The following GOLGA1 variants were observed in gnomAD, a reference collection of about 807,000 sequenced individuals.
GOLGA1 encodes golgin A1, also known as golgin subfamily A member 1.
In GOLGA1, 63 loss-of-function variants were observed where a neutral mutation model predicts 119.7. The ratio of observed to expected loss-of-function variants is 0.53; its 90% confidence interval spans 0.43 to 0.65. The LOEUF (loss-of-function observed/expected upper bound fraction) is 0.65, where lower values mean the gene tolerates loss of function less well. GOLGA1 is among the 30% of genes least tolerant of loss of function. The pLI, the probability that GOLGA1 is intolerant of heterozygous loss-of-function variation, is 0.00. For synonymous variants in GOLGA1, 318 were observed against 333.4 expected (o/e 0.95, Z 0.50); for missense variants, 798 against 912.8 (o/e 0.87, Z 1.62).
At chr9:124,921,981 A>G (rs1830579614) in intron 8 of GOLGA1, 89 bp from the exon 9 acceptor site, 2 of 1,093,554 alleles carry the variant, frequency 1.8e-6, no homozygotes, top group African/African-American at 3.2e-5. Flanking sequence ...TAATCCCAAC[A>G]CTTTGGGAGG....
intron 11 of GOLGA1, among the ~76,000 whole-genome samples, chr9:124,908,972 C>T (rs1830283864): frequency 1.3e-5 from 2 of 151,988 alleles, no homozygotes; most frequent in African/African-American, 4.8e-5. Context: ...TTGAATGTTG[C>T]AAAAAGGAGT....
chr9:124,921,128 C>A lies in GOLGA1; in HGVS notation c.843+1G>T. 1 of 1,548,958 alleles carries A rather than the reference C, an allele frequency of 6.5e-7. No homozygotes were observed. Among genetic ancestry groups the A allele is most frequent in the Non-Finnish European group, 8.9e-7 (1 of 1,120,560 alleles). ...AGGTCTTCTCCTCATATTCTACTTA[C>A]CTTTTGCAAATCAATGGAAAGCTGC... On this transcript the variant is annotated splice_donor_variant, in intron 10 of 22. Coordinates refer to ENST00000373555, the MANE Select transcript of GOLGA1 (RefSeq NM_002077.4). LOFTEE classifies it high-confidence loss of function.
rs766867578 is a variant in GOLGA1, at chr9:124,878,490, C to T, written c.*2040G>A. On this transcript the variant is annotated 3_prime_UTR_variant, in exon 23 of 23. Coordinates refer to ENST00000373555, the MANE Select transcript of GOLGA1 (RefSeq NM_002077.4). ...GAAGGAGAGCTCAAGATCCATCGCT[C>T]GTATAAAGGGCTATAGATACCGTCG... The T allele has an allele frequency of 6.6e-6, 1 of 152,604 alleles. No individual in the cohort carries two copies. The highest frequency in any genetic ancestry group is 1.5e-5 in the Non-Finnish European group (1 of 68,036). The allele number at this position is 152,604 out of a possible 1,614,324, so 9.5% of individuals were successfully genotyped here.
rs142808924 is a variant in GOLGA1, at chr9:124,930,558, T to C, written c.226+758A>G. Among the ~76,000 whole-genome samples the C allele has an allele frequency of 1.8e-4, 27 of 152,342 alleles. No individual in the cohort carries two copies. In the East Asian group the frequency reaches 5.0e-3, roughly 28 times the overall value. On this transcript the variant is annotated intron_variant, in intron 4 of 22. Transcript: ENST00000373555. ...TACAATTTGGTGAATTTGGGTCTGA[T>C]AGCTACACAAATATAAATATTTCAC...
chr9:124,899,512 G>T, intron 13 of GOLGA1, 34 bp from the exon 14 acceptor site: 1 of 1,534,926 alleles, frequency 6.5e-7, no homozygotes, highest in Non-Finnish European at 8.7e-7. Flanking sequence ...CAGTCAGGGT[G>T]ACAATGGTTT....
chr9:124,902,632 G>A (rs1156398552), intron 12 of GOLGA1, among the ~76,000 whole-genome samples: 1 of 151,794 alleles, frequency 6.6e-6, no homozygotes, highest in Non-Finnish European at 1.5e-5. Flanking sequence ...TGGGACTACA[G>A]GCGCCTGCCA....
At chr9:124,892,761 C>A (rs1157553943) in intron 15 of GOLGA1, among the ~76,000 whole-genome samples, 1 of 151,896 alleles carries the variant, frequency 6.6e-6, no homozygotes, top group Non-Finnish European at 1.5e-5. Flanking sequence ...GGAGAAACCC[C>A]ATCTCTACTG....
upstream of GOLGA1, among the ~76,000 whole-genome samples, chr9:124,941,778 T>C (rs1831033438): frequency 6.6e-6 from 1 of 152,056 alleles, no homozygotes; most frequent in African/African-American, 2.4e-5. Flanking sequence ...CCTTTCTGCT[T>C]AGGAAGGAAG....
At chr9:124,902,688 A>G (rs951624782) in intron 12 of GOLGA1, among the ~76,000 whole-genome samples, 7 of 151,328 alleles carry the variant, frequency 4.6e-5, no homozygotes, top group Non-Finnish European at 7.4e-5. Context: ...ACAGGGTTTC[A>G]CCGTGTTAGC....
At chr9:124,938,082 CA>C (rs200357362) in intron 3 of GOLGA1, among the ~76,000 whole-genome samples, 4,370 of 66,066 alleles carry the variant, frequency 0.066, 180 homozygotes, top group East Asian at 0.34. Flanking sequence ...GAATCCATCT[CA>C]AAAAAAAAAA....
chr9:124,918,827 T>C (rs1263608589), intron 10 of GOLGA1, among the ~76,000 whole-genome samples: 1 of 152,186 alleles, frequency 6.6e-6, no homozygotes, highest in East Asian at 1.9e-4. Context: ...ACCCCAAATG[T>C]ACTCTCTGAC....
At chr9:124,924,055 C>T (rs991922508) in intron 7 of GOLGA1, among the ~76,000 whole-genome samples, 6 of 152,098 alleles carry the variant, frequency 3.9e-5, no homozygotes, top group African/African-American at 1.2e-4. Context: ...GAGGTTTCAC[C>T]ATGTTTGCCA....
At chr9:124,934,340 A>C (rs959196936) in intron 3 of GOLGA1, among the ~76,000 whole-genome samples, 1 of 152,172 alleles carries the variant, frequency 6.6e-6, no homozygotes, top group Admixed American at 6.5e-5. Flanking sequence ...AAGGCACCAA[A>C]CAGCCAGGAG....
chr9:124,895,038 C>T (rs975911296), intron 15 of GOLGA1, among the ~76,000 whole-genome samples: 11 of 120,408 alleles, frequency 9.1e-5, no homozygotes, highest in Admixed American at 1.7e-4. Context: ...CAGAGAACCA[C>T]CCACAACAAA....
At chr9:124,910,478 G>C (rs1316082242) in intron 11 of GOLGA1, among the ~76,000 whole-genome samples, 1 of 152,202 alleles carries the variant, frequency 6.6e-6, no homozygotes, top group Non-Finnish European at 1.5e-5. Context: ...GACATACATT[G>C]AGACCCTACT....
chr9:124,945,788 T>C (rs142770147), upstream of GOLGA1: 54 of 152,304 alleles, frequency 3.5e-4, no homozygotes, highest in African/African-American at 1.3e-3. Flanking sequence ...TTAAGTCTTT[T>C]TGTTCAAAAC....
chr9:124,923,128 G>A lies in GOLGA1; in HGVS notation c.528C>T (p.Phe176=). ...TTATTTTACTTAGTTCCTGCTGCTG[G>A]AACCCCTCTAATTCATCCATTTCAT... The part of the protein sequence containing the change: ...RRDEMDELEG[F]QQQELSKIKH... The change falls in exon 8 of 23, where the codon TTC becomes TTT. Residue 176 remains phenylalanine, a synonymous_variant. Transcript: ENST00000373555. 1 of 1,609,302 alleles carries A rather than the reference G, an allele frequency of 6.2e-7. No individual in the cohort carries two copies. The highest frequency in any genetic ancestry group is 8.5e-7 in the Non-Finnish European group (1 of 1,177,030).
At chr9:124,890,148 G>C (rs1366577097) in intron 16 of GOLGA1, among the ~76,000 whole-genome samples, 2 of 152,154 alleles carry the variant, frequency 1.3e-5, no homozygotes, top group Non-Finnish European at 2.9e-5. Context: ...CCACTTTCCA[G>C]GTAATTATAG....
chr9:124,924,152 A>C (rs1054576624), intron 7 of GOLGA1, among the ~76,000 whole-genome samples: 1 of 152,206 alleles, frequency 6.6e-6, no homozygotes, highest in Non-Finnish European at 1.5e-5. Context: ...CACTGTGCCC[A>C]GCCTTATTTT....
Sources: gnomAD v4.1 joint callset for allele counts (sites outside exome capture counted in the v4.1 genomes callset) on GRCh38, gnomAD v4.1.1 for gene constraint, MANE v1.5 for transcripts, NCBI Gene and HGNC (gene_info 2026-07-23, HGNC 2026-07-21) for gene names.